ANO3: variants seen among roughly 807,000 people sequenced by gnomAD.
The protein encoded by ANO3 is anoctamin 3.
In ANO3, 99 loss-of-function variants were observed where a neutral mutation model predicts 144.8. The observed-to-expected ratio is 0.68, with a 90% CI of 0.58 to 0.81. The LOEUF is 0.81. ANO3 is among the 30% of genes least tolerant of loss of function. The probability of loss-of-function intolerance (pLI) is 0.00; values close to 1 mark genes in which losing one functional copy is unlikely to be tolerated. For synonymous variants in ANO3, 414 were observed against 392.6 expected (o/e 1.05, Z -0.64); for missense variants, 905 against 1,202.2 (o/e 0.75, Z 3.66).
intron 17 of ANO3, among the ~76,000 whole-genome samples, chr11:26,607,800 C>A (rs1024627921): frequency 5.9e-5 from 9 of 152,138 alleles, no homozygotes; most frequent in African/African-American, 1.4e-4. Context: ...ATTTATGTTC[C>A]TCTCTAGATT....
rs146288433 is a variant in ANO3 at position 26,619,745 on chromosome 11, G to A, written c.1837-4717G>A. ...GCCTCCCAAAGTGCTGGGATTACAG[G>A]CGTGAGCCACTGCGCCCGGCCAAAA... On this transcript the variant is annotated intron_variant, in intron 17 of 26. Coordinates refer to ENST00000256737, the MANE Select transcript of ANO3 (RefSeq NM_031418.4). 3.3e-3 allele frequency among the ~76,000 whole-genome samples: 509 copies of A among 152,302 alleles called. 3 individuals are homozygous for A. The highest frequency in any genetic ancestry group is 5.5e-3 in the Non-Finnish European group (374 of 68,024).
At chr11:26,487,183 C>T (rs1193319242) in intron 4 of ANO3, among the ~76,000 whole-genome samples, 1 of 152,166 alleles carries the variant, frequency 6.6e-6, no homozygotes, top group Non-Finnish European at 1.5e-5. Context: ...GTGGGAGGGA[C>T]CCAAGGGGAG....
chr11:26,471,080 C>T (rs950716964), intron 4 of ANO3, among the ~76,000 whole-genome samples: 1 of 151,884 alleles, frequency 6.6e-6, no homozygotes, highest in Non-Finnish European at 1.5e-5. Flanking sequence ...TTAAGTTTCA[C>T]AATAATTCAA....
intron 4 of ANO3, among the ~76,000 whole-genome samples, chr11:26,479,728 A>G (rs1860135288): frequency 6.6e-6 from 1 of 152,150 alleles, no homozygotes; most frequent in South Asian, 2.1e-4. Flanking sequence ...TATATACTGC[A>G]TGTCATATAT....
chr11:26,379,465 G>A (rs1856521410), intron 1 of ANO3, among the ~76,000 whole-genome samples: 1 of 152,060 alleles, frequency 6.6e-6, no homozygotes, highest in Non-Finnish European at 1.5e-5. Flanking sequence ...AGATGACTGT[G>A]GCTTGGTGTA....
chr11:26,192,292 G>A lies in ANO3; in HGVS notation c.154+2962G>A, dbSNP rs1203288747. On this transcript the variant is annotated intron_variant, in intron 1 of 27. Transcript: ENST00000672621. ...CAAGTTTTATTTATTCATTCATAAT[G>A]TATTTATTGCAGGCTTAGCACTGGG... Among the ~76,000 whole-genome samples the A allele has an allele frequency of 3.9e-5, 6 of 152,052 alleles. 1 individual carries two copies. The highest frequency in any genetic ancestry group is 3.9e-4 in the Admixed American group (6 of 15,262).
At chr11:26,261,455 C>T (rs550688291) in intron 1 of ANO3, among the ~76,000 whole-genome samples, 5 of 152,290 alleles carry the variant, frequency 3.3e-5, no homozygotes, top group African/African-American at 1.2e-4. Flanking sequence ...AAAAAATCAT[C>T]ACCTGATTGC....
chr11:26,423,861 T>C (rs1464691457), intron 1 of ANO3, among the ~76,000 whole-genome samples: 2 of 152,022 alleles, frequency 1.3e-5, no homozygotes, highest in Non-Finnish European at 2.9e-5. Context: ...TGGAATCTAA[T>C]AGCTATAACT....
intron 1 of ANO3, among the ~76,000 whole-genome samples, chr11:26,242,473 T>C (rs1034035712): frequency 1.3e-5 from 2 of 152,210 alleles, no homozygotes; most frequent in African/African-American, 4.8e-5. Flanking sequence ...CATATCCCCT[T>C]TACCCAATTC....
chr11:26,306,125 A>ATTTTTTTTT (rs57674074), upstream of ANO3, among the ~76,000 whole-genome samples: 16 of 113,018 alleles, frequency 1.4e-4, no homozygotes, highest in Non-Finnish European at 2.2e-4. Context: ...AGCCCGGATA[A>ATTTTTTTTT]TTTTTTTTTT....
chr11:26,515,126 A>G (rs928336628), intron 5 of ANO3, among the ~76,000 whole-genome samples: 1 of 152,072 alleles, frequency 6.6e-6, no homozygotes, highest in Non-Finnish European at 1.5e-5. Flanking sequence ...TACTTCTGGC[A>G]TTGTCAATTT....
intron 14 of ANO3, among the ~76,000 whole-genome samples, chr11:26,572,873 G>A (rs1850881477): frequency 6.6e-6 from 1 of 152,220 alleles, no homozygotes; most frequent in Non-Finnish European, 1.5e-5. Context: ...GAGCCTTCTC[G>A]ATTAAGTAGT....
intron 1 of ANO3, among the ~76,000 whole-genome samples, chr11:26,435,425 G>A (rs1168662890): frequency 5.3e-5 from 8 of 152,156 alleles, no homozygotes; most frequent in Admixed American, 5.2e-4. Context: ...TCTTTCAGGT[G>A]TTCTCAGTAT....
intron 1 of ANO3, among the ~76,000 whole-genome samples, chr11:26,292,928 C>G (rs1853993688): frequency 1.3e-5 from 2 of 152,134 alleles, no homozygotes; most frequent in Admixed American, 1.3e-4. Flanking sequence ...ATCTCAAACT[C>G]CGTGCTGGGA....
At chr11:26,518,251 A>T (rs1424659193) in intron 6 of ANO3, among the ~76,000 whole-genome samples, 1 of 152,054 alleles carries the variant, frequency 6.6e-6, no homozygotes, top group Non-Finnish European at 1.5e-5. Context: ...CTTTTAAAAT[A>T]CTTGACTGGG....
intron 12 of ANO3, among the ~76,000 whole-genome samples, chr11:26,552,746 A>C (rs57507187): frequency 0.66 from 100,129 of 151,084 alleles, 33,296 homozygotes; most frequent in East Asian, 0.83. Flanking sequence ...TGCAAAAAAA[A>C]CCCAACAAGC....
intron 1 of ANO3, among the ~76,000 whole-genome samples, chr11:26,362,945 G>T (rs895130774): frequency 6.6e-6 from 1 of 152,052 alleles, no homozygotes; most frequent in Middle Eastern, 3.2e-3. Flanking sequence ...AGGTCAATTG[G>T]TGAAATCCAA....
chr11:26,484,798 T>C (rs752932593), intron 4 of ANO3, among the ~76,000 whole-genome samples: 2 of 152,182 alleles, frequency 1.3e-5, no homozygotes, highest in South Asian at 2.1e-4. Flanking sequence ...GGGGCACATA[T>C]GCCCAAGGTC....
At chr11:26,210,146 T>C (rs1851902776) in intron 1 of ANO3, among the ~76,000 whole-genome samples, 1 of 152,176 alleles carries the variant, frequency 6.6e-6, no homozygotes. Flanking sequence ...TTCATCTATC[T>C]TGAGTTAATT....
Sources: allele counts gnomAD v4.1 joint callset (sites outside exome capture counted in the v4.1 genomes callset), GRCh38; gene constraint gnomAD v4.1.1; transcripts MANE v1.5; gene names NCBI Gene and HGNC (gene_info 2026-07-23, HGNC 2026-07-21).